Variants in DSCAM observed in about 807,000 individuals in gnomAD.
DSCAM encodes DS cell adhesion molecule.
A neutral mutation model predicts 217.7 loss-of-function variants in DSCAM; 47 were observed. The observed-to-expected ratio is 0.22, with a 90% confidence interval of 0.17 to 0.28. The LOEUF (loss-of-function observed/expected upper bound fraction) is 0.28, where lower values mean the gene tolerates loss of function less well. Among genes scored for constraint, DSCAM ranks in the 10% least tolerant of loss-of-function variants. The probability of loss-of-function intolerance (pLI) is 1.00; values close to 1 mark genes in which losing one functional copy is unlikely to be tolerated. For missense variants in DSCAM, 2,080 were observed against 2,618.3 expected, an observed-to-expected ratio of 0.79 and a Z score of 4.49; for synonymous variants, 1,056 against 1,015.3, an observed-to-expected ratio of 1.04 and a Z score of -0.76.
At chr21:40,097,324 G>A (rs990187638) in intron 20 of DSCAM, among the ~76,000 whole-genome samples, 4 of 152,064 alleles carry the variant, frequency 2.6e-5, no homozygotes, top group African/African-American at 9.7e-5. Flanking sequence ...CCGCTTGAAA[G>A]TACACTAAGA....
At chr21:40,586,661 A>G (rs547714732) in intron 3 of DSCAM, among the ~76,000 whole-genome samples, 2 of 152,310 alleles carry the variant, frequency 1.3e-5, no homozygotes, top group African/African-American at 2.4e-5. Context: ...AAGGTGCAAG[A>G]TATTTCTGGT....
chr21:40,642,344 A>AC (rs369267368), intron 3 of DSCAM, among the ~76,000 whole-genome samples: 56 of 152,218 alleles, frequency 3.7e-4, no homozygotes, highest in African/African-American at 1.3e-3. Flanking sequence ...AGGCACGATA[A>AC]GTATGTATCC....
chr21:40,121,887 T>A (rs564111576), intron 20 of DSCAM, among the ~76,000 whole-genome samples: 2 of 152,002 alleles, frequency 1.3e-5, no homozygotes, highest in South Asian at 4.2e-4. Context: ...AGGCGGAGTT[T>A]CATACGTTGG....
intron 1 of DSCAM, among the ~76,000 whole-genome samples, chr21:40,808,402 C>T (rs1046203951): frequency 3.3e-5 from 5 of 151,886 alleles, no homozygotes; most frequent in Admixed American, 1.3e-4. Context: ...AGTGGTCAAG[C>T]TCTGGCAGGA....
In DSCAM at chr21:40,637,144, T is replaced by TAA. The variant is rs1568953471; in HGVS notation, c.508+55665_508+55666insTT. 8.3e-5 allele frequency among the ~76,000 whole-genome samples: 3 copies of TAA among 35,950 alleles called. 1 individual carries two copies. Among genetic ancestry groups the TAA allele is most frequent in the African/African-American group, 3.2e-4 (3 of 9,490 alleles). 23.6% of individuals were successfully genotyped at this position (35,950 alleles called of 152,430 possible). On this transcript the variant is annotated intron_variant, in intron 3 of 32. Transcript: ENST00000400454. ...ATATATATATAAATATATAAATATATATATAAATATATATAAATATAAATA... is the reference window on the plus strand; with the variant it reads ...ATATATATATAAATATATAAATATATAAATATAAATATATATAAATATAAATA...
chr21:40,127,907 C>T (rs1443572864), intron 19 of DSCAM, among the ~76,000 whole-genome samples: 10 of 152,040 alleles, frequency 6.6e-5, no homozygotes, highest in Non-Finnish European at 2.9e-5. Context: ...TCTCCCACCC[C>T]GGGCCCTTGG....
intron 1 of DSCAM, among the ~76,000 whole-genome samples, chr21:40,812,216 A>G (rs2091845580): frequency 6.6e-6 from 1 of 152,234 alleles, no homozygotes; most frequent in African/African-American, 2.4e-5. Context: ...TGAGAGCCAG[A>G]AATCGTTACC....
intron 3 of DSCAM, among the ~76,000 whole-genome samples, chr21:40,641,834 G>C (rs1243858344): frequency 6.6e-6 from 1 of 152,074 alleles, no homozygotes; most frequent in Admixed American, 6.5e-5. Flanking sequence ...TGGATCACGA[G>C]GTCAGGAGTT....
At chr21:40,829,929 T>C (rs541214505) in intron 1 of DSCAM, among the ~76,000 whole-genome samples, 93 of 152,202 alleles carry the variant, frequency 6.1e-4, no homozygotes, top group Non-Finnish European at 1.0e-3. Context: ...TGTTCTCATA[T>C]TGCCACATTT....
chr21:40,415,789 T>C (rs1239793459), intron 3 of DSCAM, among the ~76,000 whole-genome samples: 1 of 152,128 alleles, frequency 6.6e-6, no homozygotes, highest in Non-Finnish European at 1.5e-5. Flanking sequence ...TATACACTGC[T>C]TCCCCTCTCT....
intron 3 of DSCAM, among the ~76,000 whole-genome samples, chr21:40,588,282 T>A (rs565944084): frequency 6.6e-6 from 1 of 152,182 alleles, no homozygotes; most frequent in African/African-American, 2.4e-5. Context: ...TAAAAGGTAA[T>A]GGCAAACATC....
Position 40,637,980 on chromosome 21 carries a change from G to A in DSCAM, c.508+54830C>T, listed in dbSNP as rs145364879. 3.6e-4 allele frequency among the ~76,000 whole-genome samples: 55 copies of A among 151,720 alleles called. No individual in the cohort carries two copies. The East Asian group carries it at 8.0e-3, about 22-fold the overall frequency. The stretch of plus-strand genomic sequence containing the variant: ...ATTACAGGCATGAGCCACCATGCCC[G>A]GCCCCCATTTTATATTGATAGAATT... On this transcript the variant is annotated intron_variant, in intron 3 of 32. Transcript: ENST00000400454.
chr21:40,580,490 G>A (rs2076895935), intron 3 of DSCAM, among the ~76,000 whole-genome samples: 1 of 150,868 alleles, frequency 6.6e-6, no homozygotes, highest in Non-Finnish European at 1.5e-5. Context: ...CCAAGATGGT[G>A]CCACTGCACT....
chr21:40,576,984 TATA>T (rs1186790849), intron 3 of DSCAM, among the ~76,000 whole-genome samples: 3 of 149,134 alleles, frequency 2.0e-5, no homozygotes, highest in East Asian at 2.0e-4. Context: ...ACCCTAAAAG[TATA>T]ATAACAATAA....
chr21:40,541,189 T>A (rs2076540195), intron 3 of DSCAM, among the ~76,000 whole-genome samples: 2 of 152,194 alleles, frequency 1.3e-5, no homozygotes, highest in Non-Finnish European at 2.9e-5. Flanking sequence ...GCATATTAGA[T>A]AACATAAAAA....
intron 1 of DSCAM, among the ~76,000 whole-genome samples, chr21:40,760,907 A>G (rs1261239968): frequency 6.6e-6 from 1 of 152,256 alleles, no homozygotes; most frequent in Admixed American, 6.5e-5. Context: ...CAACACGATC[A>G]GTCCCCATAG....
intron 3 of DSCAM, among the ~76,000 whole-genome samples, chr21:40,614,814 A>T (rs1263057458): frequency 6.6e-6 from 1 of 152,214 alleles, no homozygotes; most frequent in Admixed American, 6.5e-5. Flanking sequence ...AAACAGGCAC[A>T]TGTTTCAGAA....
intron 3 of DSCAM, among the ~76,000 whole-genome samples, chr21:40,657,674 A>G (rs1174993739): frequency 6.6e-6 from 1 of 152,210 alleles, no homozygotes; most frequent in Non-Finnish European, 1.5e-5. Flanking sequence ...CGGCAATCTG[A>G]TCAGGGAGTA....
intron 3 of DSCAM, among the ~76,000 whole-genome samples, chr21:40,510,721 A>G (rs1950588290): frequency 6.6e-6 from 1 of 152,230 alleles, no homozygotes; most frequent in African/African-American, 2.4e-5. Flanking sequence ...TAAAGTGTCC[A>G]TGTGCAAGAC....
Sources: allele counts gnomAD v4.1 joint callset (sites outside exome capture counted in the v4.1 genomes callset), GRCh38; gene constraint gnomAD v4.1.1; transcripts MANE v1.5; gene names NCBI Gene and HGNC (gene_info 2026-07-23, HGNC 2026-07-21).